THBS4: variants seen among roughly 807,000 people sequenced by gnomAD.
THBS4 encodes the protein thrombospondin-4.
A neutral mutation model predicts 115.7 loss-of-function variants in THBS4; 90 were observed. The ratio of observed to expected loss-of-function variants is 0.78; its 90% confidence interval spans 0.66 to 0.93. THBS4 has a LOEUF of 0.93. THBS4 is among the 40% of genes least tolerant of loss of function. The pLI is 0.00. For synonymous variants in THBS4, 460 were observed against 479.3 expected (o/e 0.96, Z 0.53); for missense variants, 1,087 against 1,232.7 (o/e 0.88, Z 1.77).
chr5:80,064,106 A>C (rs374780282), intron 8 of THBS4, among the ~76,000 whole-genome samples: 72 of 152,360 alleles, frequency 4.7e-4, no homozygotes, highest in African/African-American at 1.7e-3. Flanking sequence ...GGAGACAGGA[A>C]ACCTTTAGTA....
intron 1 of THBS4, among the ~76,000 whole-genome samples, chr5:79,996,688 T>C (rs1177934073): frequency 6.6e-6 from 1 of 152,206 alleles, no homozygotes; most frequent in Admixed American, 6.5e-5. Flanking sequence ...TTCATTTTGC[T>C]CCTCCAGCAT....
intron 2 of THBS4, among the ~76,000 whole-genome samples, chr5:80,023,855 C>G (rs1460129500): frequency 1.3e-5 from 2 of 152,050 alleles, no homozygotes; most frequent in Non-Finnish European, 2.9e-5. Context: ...GAGCCAGGCT[C>G]TTTCTCACAA....
chr5:80,021,796 C>G (rs1043028799), intron 2 of THBS4, among the ~76,000 whole-genome samples: 1 of 152,166 alleles, frequency 6.6e-6, no homozygotes. Context: ...GGATTACAGG[C>G]AGGAGCAGCT....
intron 3 of THBS4, among the ~76,000 whole-genome samples, chr5:80,057,911 G>A (rs1005850302): frequency 1.1e-4 from 16 of 152,082 alleles, no homozygotes; most frequent in African/African-American, 3.4e-4. Context: ...ATTCTTAAGA[G>A]GCTCCTGCCA....
chr5:80,073,292 T>C lies in THBS4; in HGVS notation c.1857T>C (p.Asp619=). 1.9e-6 allele frequency: 3 copies of C among 1,613,990 alleles called. No homozygotes were observed. The highest frequency in any genetic ancestry group is 2.5e-6 in the Non-Finnish European group (3 of 1,179,970). ...SNPNQSDVDN[D]LVGDSCDTNQ... ...CTTTGCAGTCTGATGTGGATAATGA[T>C]CTGGTTGGGGACTCCTGTGACACCA... The change falls in exon 15 of 22, where the codon GAT becomes GAC. Residue 619 remains aspartate, a synonymous_variant. Coordinates refer to ENST00000350881, the MANE Select transcript of THBS4 (RefSeq NM_003248.6).
At chr5:80,000,888 A>G (rs1487611387) in intron 2 of THBS4, among the ~76,000 whole-genome samples, 1 of 152,202 alleles carries the variant, frequency 6.6e-6, no homozygotes, top group Non-Finnish European at 1.5e-5. Flanking sequence ...AAACATTCCC[A>G]GAGGGTCTCT....
At chr5:80,041,334 C>T (rs13181102) in intron 2 of THBS4, among the ~76,000 whole-genome samples, 47,271 of 152,002 alleles carry the variant, frequency 0.31, 7,531 homozygotes, top group Middle Eastern at 0.39. Context: ...CTCCCAAAAG[C>T]CCCACCTCCA....
At chr5:80,014,776 A>C (rs2151155983) in intron 2 of THBS4, among the ~76,000 whole-genome samples, 1 of 152,374 alleles carries the variant, frequency 6.6e-6, no homozygotes, top group Admixed American at 6.5e-5. Flanking sequence ...CATAAGCATA[A>C]AACTAAGAGC....
chr5:80,080,579 C>CTTTTTTTTTT lies in THBS4; in HGVS notation c.2684+518_2684+527dup, dbSNP rs67048630. Among the ~76,000 whole-genome samples, 83 of 50,496 alleles carry CTTTTTTTTTT rather than the reference C, an allele frequency of 1.6e-3. 15 individuals are homozygous for CTTTTTTTTTT. The highest frequency in any genetic ancestry group is 5.1e-3 in the African/African-American group (65 of 12,706). 33.1% of individuals were successfully genotyped at this position (50,496 alleles called of 152,430 possible). ...AACTGCATGAGAGCAGCGCTTGTAT[C>CTTTTTTTTTT]TTTTTTTTTTTTTTTTTTTTTTTTT... On this transcript the variant is annotated intron_variant, in intron 20 of 21. Transcript: ENST00000350881.
upstream of THBS4, among the ~76,000 whole-genome samples, chr5:80,030,619 G>A (rs1038842839): frequency 2.0e-5 from 3 of 152,128 alleles, no homozygotes; most frequent in East Asian, 1.9e-4. Context: ...CACCGGCCTC[G>A]GCCTCCCAAA....
chr5:80,082,357 T>C, intron 20 of THBS4, 49 bp from the exon 21 acceptor site: 1 of 1,606,794 alleles, frequency 6.2e-7, no homozygotes, highest in Non-Finnish European at 8.5e-7. Context: ...GTGGGCACTT[T>C]ACCCCGGGTT....
At chr5:80,047,289 C>A (rs1298450407) in intron 2 of THBS4, among the ~76,000 whole-genome samples, 1 of 152,176 alleles carries the variant, frequency 6.6e-6, no homozygotes, top group African/African-American at 2.4e-5. Flanking sequence ...TGTGTCTAGT[C>A]CTGGACACAT....
chr5:80,022,028 C>T (rs980668184), intron 2 of THBS4, among the ~76,000 whole-genome samples: 11 of 152,076 alleles, frequency 7.2e-5, no homozygotes, highest in African/African-American at 2.7e-4. Context: ...ACTGAGGGTG[C>T]GACTCCTGAT....
intron 2 of THBS4, among the ~76,000 whole-genome samples, chr5:80,041,565 C>G (rs963556252): frequency 6.6e-6 from 1 of 152,200 alleles, no homozygotes; most frequent in African/African-American, 2.4e-5. Flanking sequence ...GAATAGGGCT[C>G]TTTTCTCCCT....
intron 2 of THBS4, among the ~76,000 whole-genome samples, chr5:80,005,007 G>A (rs1202851582): frequency 6.6e-6 from 1 of 151,626 alleles, no homozygotes; most frequent in East Asian, 1.9e-4. Flanking sequence ...CAAAGTCTTG[G>A]GATTATAGGC....
At chr5:79,995,288 A>G (rs1182832142) in intron 1 of THBS4, among the ~76,000 whole-genome samples, 2 of 152,242 alleles carry the variant, frequency 1.3e-5, no homozygotes, top group Admixed American at 6.5e-5. Flanking sequence ...TTATAAACCC[A>G]TAAACTATAT....
chr5:80,068,251 G>A, intron 10 of THBS4, 126 bp downstream of exon 10: 1 of 1,208,020 alleles, frequency 8.3e-7, no homozygotes, highest in South Asian at 1.5e-5. Flanking sequence ...AAATGAGCAT[G>A]GAGTGTAATA....
chr5:80,006,897 A>G (rs1337112155), intron 2 of THBS4, among the ~76,000 whole-genome samples: 1 of 152,254 alleles, frequency 6.6e-6, no homozygotes, highest in African/African-American at 2.4e-5. Context: ...ACAAATAAAA[A>G]GGAATTTTAA....
chr5:80,082,442 C>T lies in THBS4; in HGVS notation c.2721C>T (p.Asp907=). The change falls in exon 21 of 22, where the codon GAC becomes GAT. Residue 907 remains aspartate, a synonymous_variant. Transcript: ENST00000350881. ...ATGAAGGCTCTGAGTTGGTGGCTGACTCTGGCGTCACCATAGACACCACAA... is the reference window on the plus strand; with the variant it reads ...ATGAAGGCTCTGAGTTGGTGGCTGATTCTGGCGTCACCATAGACACCACAA... The part of the protein sequence containing the change: ...RFYEGSELVA[D]SGVTIDTTMR... The T allele has an allele frequency of 1.2e-6, 2 of 1,614,216 alleles. No homozygotes were observed. Among genetic ancestry groups the T allele is most frequent in the Non-Finnish European group, 1.7e-6 (2 of 1,180,038 alleles).
Sources: allele counts gnomAD v4.1 joint callset (sites outside exome capture counted in the v4.1 genomes callset), GRCh38; gene constraint gnomAD v4.1.1; transcripts MANE v1.5; gene names NCBI Gene and HGNC (gene_info 2026-07-23, HGNC 2026-07-21).